PPP6R3: variants seen among roughly 807,000 people sequenced by gnomAD.
The protein encoded by PPP6R3 is serine/threonine-protein phosphatase 6 regulatory subunit 3.
A neutral mutation model predicts 110.7 loss-of-function variants in PPP6R3; 38 were observed. That is an observed-to-expected ratio of 0.34 (90% confidence interval 0.26 to 0.45). The LOEUF is 0.45. Ranked by LOEUF, PPP6R3 falls within the 20% of genes least tolerant of loss-of-function variation. The pLI, the probability that PPP6R3 is intolerant of heterozygous loss-of-function variation, is 1.00. For missense variants in PPP6R3, 870 were observed against 1,062.4 expected (o/e 0.82, Z 2.52); for synonymous variants, 369 against 373.5 (o/e 0.99, Z 0.14).
At chr11:68,558,736 GAGTTAAATTCTT>G in intron 8 of PPP6R3, 57 bp downstream of exon 8, 3 of 1,358,218 alleles carry the variant, frequency 2.2e-6, no homozygotes, top group Non-Finnish European at 3.1e-6. Context: ...TCAGATTTAA[GAGTTAAATTCTT>G]AGTGGATAAG....
chr11:68,463,355 GAAA>G (rs1156285158), intron 1 of PPP6R3, among the ~76,000 whole-genome samples: 1 of 54,624 alleles, frequency 1.8e-5, no homozygotes, highest in Non-Finnish European at 3.5e-5. Flanking sequence ...CTCAGTCTCA[GAAA>G]AAAAAAAAAA....
intron 1 of PPP6R3, among the ~76,000 whole-genome samples, chr11:68,485,069 A>T (rs2098937969): frequency 1.3e-5 from 2 of 152,046 alleles, no homozygotes; most frequent in Non-Finnish European, 2.9e-5. Context: ...CTGTCATCAG[A>T]GTTTTATAGT....
intron 1 of PPP6R3, among the ~76,000 whole-genome samples, chr11:68,497,967 G>C (rs368648707): frequency 6.6e-6 from 1 of 152,190 alleles, no homozygotes; most frequent in East Asian, 1.9e-4. Flanking sequence ...GGATATTTAG[G>C]AACCATGTAT....
At chr11:68,489,004 G>A (rs1364036263) in intron 1 of PPP6R3, among the ~76,000 whole-genome samples, 1 of 149,428 alleles carries the variant, frequency 6.7e-6, no homozygotes, top group Non-Finnish European at 1.5e-5. Flanking sequence ...GATATTTATT[G>A]CTGTTTTCCA....
chr11:68,488,231 C>CT (rs1055776599), intron 1 of PPP6R3, among the ~76,000 whole-genome samples: 18 of 150,010 alleles, frequency 1.2e-4, no homozygotes, highest in African/African-American at 2.7e-4. Flanking sequence ...CCATCCCTTT[C>CT]TTTTTTTTTT....
At chr11:68,500,657 T>A (rs1294059287) in intron 1 of PPP6R3, among the ~76,000 whole-genome samples, 1 of 152,152 alleles carries the variant, frequency 6.6e-6, no homozygotes, top group African/African-American at 2.4e-5. Flanking sequence ...TTTGTATTTT[T>A]AGTAGAGACA....
intron 1 of PPP6R3, among the ~76,000 whole-genome samples, chr11:68,511,826 C>A (rs1478347120): frequency 6.6e-6 from 1 of 152,062 alleles, no homozygotes; most frequent in African/African-American, 2.4e-5. Context: ...GTACTTATCA[C>A]TAATTTAGCC....
chr11:68,466,116 C>T (rs76415534), intron 1 of PPP6R3, among the ~76,000 whole-genome samples: 7,143 of 152,212 alleles, frequency 0.047, 610 homozygotes, highest in African/African-American at 0.16. Flanking sequence ...GAAATAGATG[C>T]TACTTCAAGT....
chr11:68,612,058 C>T (rs1943719688), intron 23 of PPP6R3, among the ~76,000 whole-genome samples: 1 of 152,120 alleles, frequency 6.6e-6, no homozygotes, highest in South Asian at 2.1e-4. Context: ...CCCTGTGGGG[C>T]GTGGGGAGGG....
At chr11:68,592,268 G>A (rs531835161) in intron 18 of PPP6R3, among the ~76,000 whole-genome samples, 63 of 152,072 alleles carry the variant, frequency 4.1e-4, no homozygotes, top group African/African-American at 1.4e-3. Context: ...TAAGAGAGAG[G>A]AATATTTGAT....
At chr11:68,543,896 A>G (rs1372062138) in intron 3 of PPP6R3, among the ~76,000 whole-genome samples, 1 of 152,180 alleles carries the variant, frequency 6.6e-6, no homozygotes, top group East Asian at 1.9e-4. Context: ...GCAGAGGGTC[A>G]GTGGTCTGGT....
At chr11:68,511,070 CTTT>C (rs59968909) in intron 1 of PPP6R3, among the ~76,000 whole-genome samples, 2 of 143,772 alleles carry the variant, frequency 1.4e-5, no homozygotes, top group Non-Finnish European at 3.0e-5. Context: ...ACCATGCATA[CTTT>C]TTTTTTTTTT....
At chr11:68,494,408 CAAAAAAAAAAA>C (rs35190764) in intron 1 of PPP6R3, among the ~76,000 whole-genome samples, 1 of 60,382 alleles carries the variant, frequency 1.7e-5, no homozygotes, top group African/African-American at 6.6e-5. Flanking sequence ...CCTGTAATCT[CAAAAAAAAAAA>C]AAAAAAAAAA....
intron 1 of PPP6R3, among the ~76,000 whole-genome samples, chr11:68,498,229 T>C (rs1213140538): frequency 6.6e-6 from 1 of 152,206 alleles, no homozygotes; most frequent in Non-Finnish European, 1.5e-5. Context: ...AGTTTTATGT[T>C]AATACATTTT....
At position 68,600,330 on chromosome 11, in the gene PPP6R3, CCT is replaced by C; in HGVS notation, c.2039-8_2039-7del. 1.2e-6 allele frequency: 2 copies of C among 1,612,338 alleles called. No individual in the cohort carries two copies. The highest frequency in any genetic ancestry group is 1.7e-6 in the Non-Finnish European group (2 of 1,178,604). On this transcript the variant is annotated splice_polypyrimidine_tract_variant and intron_variant, in intron 19 of 23. Transcript: ENST00000393800. The stretch of plus-strand genomic sequence containing the variant: ...AGTGTTTTCCAAATAGAATTTCTCC[CCT>C]CTTTTTAGCACCCAACTGGTCAGCT...
chr11:68,614,822 C>T lies in PPP6R3; in HGVS notation c.*1705C>T. The T allele has an allele frequency of 7.1e-7, 1 of 1,409,924 alleles. No homozygotes were observed. The highest frequency in any genetic ancestry group is 9.8e-7 in the Non-Finnish European group (1 of 1,024,024). The allele number at this position is 1,409,924 out of a possible 1,614,324, so 87.3% of individuals were successfully genotyped here. A position where few individuals can be genotyped will look rare whatever the true frequency, so the allele number is the denominator to read the frequency against. ...CCCCCAGAGGACAGGGCTCCTCCTGCTTGCCTCAGGGCTGCCTGACTTGAA... is the reference window on the plus strand; with the variant it reads ...CCCCCAGAGGACAGGGCTCCTCCTGTTTGCCTCAGGGCTGCCTGACTTGAA... On this transcript the variant is annotated 3_prime_UTR_variant, in exon 24 of 24. Transcript: ENST00000393800.
At chr11:68,598,713 C>T (rs1428003068) in intron 19 of PPP6R3, among the ~76,000 whole-genome samples, 7 of 152,182 alleles carry the variant, frequency 4.6e-5, no homozygotes, top group Admixed American at 6.5e-5. Flanking sequence ...GAAAGACTAT[C>T]TCAAAGAGAT....
In PPP6R3 at chr11:68,554,139, C is replaced by G; in HGVS notation, c.619-6C>G. 6.3e-7 allele frequency: 1 copy of G among 1,587,720 alleles called. No homozygotes were observed. Among genetic ancestry groups the G allele is most frequent in the Non-Finnish European group, 8.6e-7 (1 of 1,167,776 alleles). ...TTATGGTTAAAATTGTACTTTTTTC[C>G]TTTAGCGACATTCAAATGCATCACA... On this transcript the variant is annotated splice_polypyrimidine_tract_variant and splice_region_variant and intron_variant, in intron 6 of 23. Transcript: ENST00000393800.
intron 2 of PPP6R3, among the ~76,000 whole-genome samples, chr11:68,523,803 TC>T (rs1401452752): frequency 6.7e-6 from 1 of 149,510 alleles, no homozygotes; most frequent in East Asian, 2.0e-4. Flanking sequence ...ATATTGGACT[TC>T]CTAAATCGTT....
Sources: gnomAD v4.1 joint callset for allele counts (sites outside exome capture counted in the v4.1 genomes callset) on GRCh38, gnomAD v4.1.1 for gene constraint, MANE v1.5 for transcripts, NCBI Gene and HGNC (gene_info 2026-07-23, HGNC 2026-07-21) for gene names.